The following SNX29 variants were observed in gnomAD, a reference collection of about 807,000 sequenced individuals.
SNX29 encodes the protein sorting nexin-29.
A neutral mutation model predicts 102.1 loss-of-function variants in SNX29; 78 were observed. The ratio of observed to expected loss-of-function variants is 0.76; its 90% CI spans 0.64 to 0.92. The LOEUF (loss-of-function observed/expected upper bound fraction) is 0.92, where lower values mean the gene tolerates loss of function less well. Ranked by LOEUF, SNX29 falls within the 40% of genes least tolerant of loss-of-function variation. The pLI, the probability that SNX29 is intolerant of heterozygous loss-of-function variation, is 0.00. For missense variants in SNX29, 1,280 were observed against 1,061.7 expected, an observed-to-expected ratio of 1.21 and a Z score of -2.86; for synonymous variants, 580 against 414.5, an observed-to-expected ratio of 1.40 and a Z score of -4.85.
intron 19 of SNX29, among the ~76,000 whole-genome samples, chr16:12,483,954 A>T (rs1397799602): frequency 1.3e-5 from 2 of 152,220 alleles, no homozygotes; most frequent in African/African-American, 4.8e-5. Context: ...GTCACTCCAG[A>T]TGTTAGTGAC....
chr16:12,008,251 C>G lies in SNX29; in HGVS notation c.122+5208C>G, dbSNP rs116983578. Among the ~76,000 whole-genome samples, 14 of 143,664 alleles carry G rather than the reference C, an allele frequency of 9.7e-5. No homozygotes were observed. The East Asian group carries it at 2.6e-3, about 27-fold the overall frequency. The allele number at this position is 143,664 out of a possible 152,430, so 94.2% of individuals were successfully genotyped here. ...GAGCCACTGCGCCTGGCCTGCTTTT[C>G]GCTACTTTTTCAAGGAAATTTTTTT... On this transcript the variant is annotated intron_variant, in intron 3 of 20. Coordinates refer to ENST00000566228, the MANE Select transcript of SNX29 (RefSeq NM_032167.5).
At chr16:12,459,272 C>A (rs1032205640) in intron 18 of SNX29, among the ~76,000 whole-genome samples, 2 of 151,776 alleles carry the variant, frequency 1.3e-5, no homozygotes, top group Non-Finnish European at 1.5e-5. Context: ...GAGCTTAGAT[C>A]CTCACAGGCC....
chr16:12,545,244 C>T (rs923388396), intron 20 of SNX29, among the ~76,000 whole-genome samples: 4 of 152,232 alleles, frequency 2.6e-5, no homozygotes, highest in South Asian at 4.1e-4. Context: ...CCTCTGTTCT[C>T]AAGTGGCTCC....
chr16:12,249,203 G>T (rs1453349073), intron 14 of SNX29, among the ~76,000 whole-genome samples: 1 of 152,176 alleles, frequency 6.6e-6, no homozygotes, highest in Non-Finnish European at 1.5e-5. Flanking sequence ...TCAGCTCATG[G>T]CGGAAATGAT....
intron 13 of SNX29, among the ~76,000 whole-genome samples, chr16:12,172,482 G>A (rs1427566930): frequency 6.6e-6 from 1 of 152,118 alleles, no homozygotes; most frequent in East Asian, 1.9e-4. Context: ...ATCTGGCAGA[G>A]GGGTCATCTT....
chr16:12,307,487 G>A (rs1211627456), intron 15 of SNX29, among the ~76,000 whole-genome samples: 1 of 152,230 alleles, frequency 6.6e-6, no homozygotes, highest in Non-Finnish European at 1.5e-5. Context: ...GGGTATGGAT[G>A]CTTTCATGCA....
At chr16:12,551,283 T>TTA (rs1245476684) in intron 20 of SNX29, among the ~76,000 whole-genome samples, 4 of 152,154 alleles carry the variant, frequency 2.6e-5, no homozygotes, top group Non-Finnish European at 5.9e-5. Flanking sequence ...CGTCAAATGT[T>TTA]TAACCAGTTT....
intron 20 of SNX29, among the ~76,000 whole-genome samples, chr16:12,531,659 G>C (rs895882427): frequency 2.0e-5 from 3 of 152,300 alleles, no homozygotes; most frequent in Admixed American, 2.0e-4. Flanking sequence ...AGAAGATGCC[G>C]AGTTTTGAGG....
At chr16:12,558,824 G>A (rs1308526219) in intron 20 of SNX29, among the ~76,000 whole-genome samples, 1 of 152,146 alleles carries the variant, frequency 6.6e-6, no homozygotes, top group Non-Finnish European at 1.5e-5. Context: ...CTAGGGGCAG[G>A]GCCACAGTCA....
chr16:12,362,124 T>A (rs752953295), intron 16 of SNX29, among the ~76,000 whole-genome samples: 18 of 152,380 alleles, frequency 1.2e-4, no homozygotes, highest in Non-Finnish European at 2.1e-4. Flanking sequence ...GAATTGTTGT[T>A]CATTTTAAGA....
chr16:12,183,373 T>G (rs891885635), intron 13 of SNX29, among the ~76,000 whole-genome samples: 1 of 152,208 alleles, frequency 6.6e-6, no homozygotes, highest in Non-Finnish European at 1.5e-5. Context: ...GTCCTAGTAC[T>G]ATAAACTTGG....
chr16:12,197,464 G>C (rs1345866584), intron 13 of SNX29, among the ~76,000 whole-genome samples: 1 of 152,122 alleles, frequency 6.6e-6, no homozygotes, highest in Admixed American at 6.6e-5. Flanking sequence ...CCAGATACTT[G>C]GGAGGCTGAG....
At chr16:12,455,046 C>T (rs2086475414) in intron 18 of SNX29, among the ~76,000 whole-genome samples, 1 of 152,164 alleles carries the variant, frequency 6.6e-6, no homozygotes, top group African/African-American at 2.4e-5. Flanking sequence ...TCACGCCTGG[C>T]CCGTTGGAGG....
intron 18 of SNX29, among the ~76,000 whole-genome samples, chr16:12,448,499 G>C (rs554534493): frequency 6.7e-6 from 1 of 150,220 alleles, no homozygotes; most frequent in East Asian, 1.9e-4. Flanking sequence ...CACCAAGTCA[G>C]TGATCCTGTT....
chr16:12,538,751 G>T (rs1361824735), intron 20 of SNX29, among the ~76,000 whole-genome samples: 1 of 151,940 alleles, frequency 6.6e-6, no homozygotes, highest in Non-Finnish European at 1.5e-5. Flanking sequence ...ACCCATATGG[G>T]TATCATCCAA....
At chr16:12,468,866 C>T (rs1442884313) in intron 18 of SNX29, among the ~76,000 whole-genome samples, 2 of 152,218 alleles carry the variant, frequency 1.3e-5, no homozygotes, top group Non-Finnish European at 2.9e-5. Flanking sequence ...ACTAATAAAA[C>T]AGCACAGGCA....
rs572192940 is a variant in SNX29, at chr16:12,280,836, G to A, written c.1782+2800G>A. Among the ~76,000 whole-genome samples, 12 of 152,314 alleles carry A rather than the reference G, an allele frequency of 7.9e-5. No homozygotes were observed. In the East Asian group the frequency reaches 9.6e-4, roughly 12 times the overall value. ...GTAAAGACTTGTTAGAGTAATGAAC[G>A]AATGTGAGGGGAAAAGTTGATATAG... is the stretch of plus-strand genomic sequence containing the variant. On this transcript the variant is annotated intron_variant, in intron 15 of 20. Coordinates refer to ENST00000566228, the MANE Select transcript of SNX29 (RefSeq NM_032167.5).
intron 20 of SNX29, among the ~76,000 whole-genome samples, chr16:12,536,344 C>A (rs544693131): frequency 3.9e-5 from 6 of 152,084 alleles, no homozygotes; most frequent in African/African-American, 4.8e-5. Flanking sequence ...GGAAACAAGC[C>A]GTACTGTCAG....
Position 12,568,840 on chromosome 16 carries a change from C to A in SNX29, c.*211C>A. 1.4e-6 allele frequency: 1 copy of A among 726,332 alleles called. No individual in the cohort carries two copies. The highest frequency in any genetic ancestry group is 2.2e-6 in the Non-Finnish European group (1 of 460,534). The allele number at this position is 726,332 out of a possible 1,614,324, so 45.0% of individuals were successfully genotyped here. ...GACCCGAGAGACCAAGGCAGCACCT[C>A]GCTGGAGAGACTGGGACACACAGTC... On this transcript the variant is annotated 3_prime_UTR_variant, in exon 21 of 21. Coordinates refer to ENST00000566228, the MANE Select transcript of SNX29 (RefSeq NM_032167.5).
Sources: allele counts gnomAD v4.1 joint callset (sites outside exome capture counted in the v4.1 genomes callset), GRCh38; gene constraint gnomAD v4.1.1; transcripts MANE v1.5; gene names NCBI Gene and HGNC (gene_info 2026-07-23, HGNC 2026-07-21).